The following SCAP variants were observed in gnomAD, a reference collection of about 807,000 sequenced individuals.
SCAP encodes SREBF chaperone.
Under a neutral mutation model 123.6 loss-of-function variants are expected in SCAP, and 65 were observed. The ratio of observed to expected loss-of-function variants is 0.53; its 90% CI spans 0.43 to 0.65. The LOEUF (loss-of-function observed/expected upper bound fraction) is 0.65, where lower values mean the gene tolerates loss of function less well. Ranked by LOEUF, SCAP falls within the 30% of genes least tolerant of loss-of-function variation. The probability of loss-of-function intolerance (pLI) is 0.00; values close to 1 mark genes in which losing one functional copy is unlikely to be tolerated. For missense variants in SCAP, 1,398 were observed against 1,712.5 expected (o/e 0.82, Z 3.24); for synonymous variants, 740 against 726.3 (o/e 1.02, Z -0.30).
At chr3:47,434,976 G>A (rs765408326) in intron 3 of SCAP, 32 bp downstream of exon 3, 3 of 1,614,056 alleles carry the variant, frequency 1.9e-6, no homozygotes, top group Admixed American at 1.7e-5. Flanking sequence ...CCAACGCTCT[G>A]TGCTGGCCTC....
At chr3:47,421,857 G>T (rs563406962) in intron 10 of SCAP, among the ~76,000 whole-genome samples, 1 of 152,392 alleles carries the variant, frequency 6.6e-6, no homozygotes, top group South Asian at 2.1e-4. Context: ...ATCAGTCTGG[G>T]GTTCCAGCTC....
At chr3:47,443,131 TG>T (rs773408976) in intron 1 of SCAP, 40 bp from the exon 2 acceptor site, 10 of 1,464,942 alleles carry the variant, frequency 6.8e-6, no homozygotes, top group Non-Finnish European at 9.1e-6. Flanking sequence ...AAAGAGTACT[TG>T]GCTCTGCACA....
chr3:47,418,125 C>T lies in SCAP; in HGVS notation c.2447+9G>A, dbSNP rs373304395. The T allele has an allele frequency of 5.0e-4, 770 of 1,546,380 alleles. 8 individuals carry two copies. The highest frequency in any genetic ancestry group is 1.0e-3 in the Middle Eastern group (5 of 4,808). On this transcript the variant is annotated intron_variant, in intron 16 of 22. Coordinates refer to ENST00000265565, the MANE Select transcript of SCAP (RefSeq NM_012235.4). ...GGGGCACAAAGGAGGAAAGGGCAGC[C>T]GCACCTACCCTGGGCGCGGAATGCG... is the stretch of plus-strand genomic sequence containing the variant.
Position 47,430,288 on chromosome 3 carries a change from T to C in SCAP, c.253-1618A>G, listed in dbSNP as rs73834311. ...GTCTCCTCACTAAATATCACATACT[T>C]TTCTCACTAGAATCTGCCATCTACC... is the stretch of plus-strand genomic sequence containing the variant. On this transcript the variant is annotated intron_variant, in intron 3 of 22. Transcript: ENST00000265565. Among the ~76,000 whole-genome samples, 281 of 152,252 alleles carry C rather than the reference T, an allele frequency of 1.8e-3. 2 individuals are homozygous for C. Among genetic ancestry groups the C allele is most frequent in the African/African-American group, 6.5e-3 (269 of 41,550 alleles).
chr3:47,445,665 G>A (rs947382801), intron 1 of SCAP, among the ~76,000 whole-genome samples: 3 of 151,980 alleles, frequency 2.0e-5, no homozygotes, highest in Non-Finnish European at 2.9e-5. Context: ...TCCGCCTTCC[G>A]GTGGTTCAAA....
rs1706172908 is a variant in SCAP at position 47,427,225 on chromosome 3, C to T, written c.669G>A (p.Val223=). Residue 223 remains valine, a synonymous_variant, in exon 6 of 23, where the codon GTG becomes GTA. Coordinates refer to ENST00000265565, the MANE Select transcript of SCAP (RefSeq NM_012235.4). ...CCATCCTCTTCCTGGTGTAGAGGCTCACCCCGCTGTACTTCCCAGGAACAC... is the reference window on the plus strand; with the variant it reads ...CCATCCTCTTCCTGGTGTAGAGGCTTACCCCGCTGTACTTCCCAGGAACAC... ...LFGVPGKYSG[V]SLYTRKRMVS... The T allele has an allele frequency of 6.2e-7, 1 of 1,613,456 alleles. No homozygotes were observed. The highest frequency in any genetic ancestry group is 1.1e-5 in the South Asian group (1 of 91,068).
At chr3:47,460,621 C>T (rs909729567) in intron 1 of SCAP, among the ~76,000 whole-genome samples, 2 of 152,100 alleles carry the variant, frequency 1.3e-5, no homozygotes, top group Non-Finnish European at 1.5e-5. Flanking sequence ...GGCACAATCT[C>T]GGCTCACTGC....
At chr3:47,429,859 C>T (rs1419281064) in intron 3 of SCAP, among the ~76,000 whole-genome samples, 1 of 152,162 alleles carries the variant, frequency 6.6e-6, no homozygotes, top group Non-Finnish European at 1.5e-5. Context: ...CTGCTGACCG[C>T]ACTATAGACT....
In SCAP at chr3:47,426,006, A is replaced by G; in HGVS notation, c.901T>C (p.Phe301Leu). Residue 301 changes from phenylalanine to leucine, a missense_variant, in exon 7 of 23, where the codon TTC becomes CTC. Transcript: ENST00000265565. ...CCTGCCATGAACCTACGCGTGGAGA[A>G]GTAGATGTAGGCAAACAAGATGATG... ...TYIILFAYIY[F>L]STRKIDMVKS... 6.2e-7 allele frequency: 1 copy of G among 1,614,158 alleles called. No homozygotes were observed.
intron 1 of SCAP, chr3:47,469,703 C>A: frequency 6.4e-6 from 2 of 311,224 alleles, no homozygotes; most frequent in Non-Finnish European, 1.2e-5. Context: ...TTGCCTGCCA[C>A]CATGTAAGAC....
chr3:47,426,191 G>A, intron 6 of SCAP, 22 bp from the exon 7 acceptor site: 2 of 1,606,396 alleles, frequency 1.2e-6, no homozygotes, highest in Non-Finnish European at 8.5e-7. Context: ...GCAGGGTGGG[G>A]GTAAATGGAA....
intron 2 of SCAP, among the ~76,000 whole-genome samples, chr3:47,442,032 G>A (rs1706828541): frequency 6.6e-6 from 1 of 151,822 alleles, no homozygotes; most frequent in East Asian, 1.9e-4. Context: ...CTGATAATCA[G>A]GGAAGAGCTT....
intron 1 of SCAP, among the ~76,000 whole-genome samples, chr3:47,456,724 G>C (rs1048078833): frequency 2.6e-5 from 4 of 151,832 alleles, no homozygotes; most frequent in African/African-American, 4.8e-5. Context: ...GAGATCATCC[G>C]AGATCGTGTG....
chr3:47,414,981 C>G lies in SCAP; in HGVS notation c.3152G>C (p.Arg1051Pro). Reference sequence around the variant, plus strand: ...CACTGGAGAGGCAGGGGAACTGCCCCGCCCTGGGGTCCCTGAGGACAAAAG... The same window carrying G: ...CACTGGAGAGGCAGGGGAACTGCCCGGCCCTGGGGTCCCTGAGGACAAAAG... ...SPLQFRGTPG[R>P]GSSPASPVYS... The change falls in exon 20 of 23, where the codon CGG (arginine) becomes CCG (proline). Residue 1051 changes from arginine (R) to proline (P), a missense_variant. Physicochemically the swap from Arg to Pro is moderately radical, Grantham distance 103. Transcript: ENST00000265565. The G allele has an allele frequency of 6.3e-7, 1 of 1,591,638 alleles. No individual in the cohort carries two copies. The highest frequency in any genetic ancestry group is 8.5e-7 in the Non-Finnish European group (1 of 1,170,518).
intron 1 of SCAP, among the ~76,000 whole-genome samples, chr3:47,473,095 A>AAAAC (rs1553652477): frequency 4.8e-5 from 7 of 146,292 alleles, no homozygotes; most frequent in Admixed American, 6.9e-5. Flanking sequence ...AAAAAAAAAA[A>AAAAC]AAAACAGACT....
intron 9 of SCAP, among the ~76,000 whole-genome samples, chr3:47,423,311 G>A (rs1705988968): frequency 6.6e-6 from 1 of 152,266 alleles, no homozygotes; most frequent in Non-Finnish European, 1.5e-5. Flanking sequence ...CAGCCGTGAA[G>A]GCAGCGTCTC....
chr3:47,421,213 C>T, intron 10 of SCAP, 184 bp from the exon 11 acceptor site: 1 of 626,338 alleles, frequency 1.6e-6, no homozygotes, highest in Non-Finnish European at 2.9e-6. Flanking sequence ...CCCGTCTCCA[C>T]CAGGGGGCAG....
rs1487266497 is a variant in SCAP, at chr3:47,418,126, G to A, written c.2447+8C>T. 1.3e-5 allele frequency: 20 copies of A among 1,548,928 alleles called. No individual in the cohort carries two copies. The highest frequency in any genetic ancestry group is 5.9e-5 in the South Asian group (5 of 84,200). Reference sequence around the variant, plus strand: ...GGGCACAAAGGAGGAAAGGGCAGCCGCACCTACCCTGGGCGCGGAATGCGC... The same window carrying A: ...GGGCACAAAGGAGGAAAGGGCAGCCACACCTACCCTGGGCGCGGAATGCGC... On this transcript the variant is annotated splice_region_variant and intron_variant, in intron 16 of 22. Transcript: ENST00000265565.
intron 1 of SCAP, among the ~76,000 whole-genome samples, chr3:47,461,542 G>C (rs1330572937): frequency 6.6e-6 from 1 of 152,186 alleles, no homozygotes; most frequent in South Asian, 2.1e-4. Context: ...AGAGCTAGGA[G>C]AGATGGGATC....
Sources: gnomAD v4.1 joint callset for allele counts (sites outside exome capture counted in the v4.1 genomes callset) on GRCh38, gnomAD v4.1.1 for gene constraint, MANE v1.5 for transcripts, NCBI Gene and HGNC (gene_info 2026-07-23, HGNC 2026-07-21) for gene names.